UGP2: variants seen among roughly 807,000 people sequenced by gnomAD.
The protein encoded by UGP2 is UDP-glucose pyrophosphorylase 2.
UGP2 carries 40 observed loss-of-function variants against 49.0 expected under a neutral mutation model. The observed-to-expected ratio is 0.82, with a 90% confidence interval of 0.63 to 1.06. The LOEUF is 1.06. Ranked by LOEUF, UGP2 falls within the 50% of genes least tolerant of loss-of-function variation. The probability of loss-of-function intolerance (pLI) is 0.00; values close to 1 mark genes in which losing one functional copy is unlikely to be tolerated. For missense variants in UGP2, 460 were observed against 603.5 expected (o/e 0.76, Z 2.49); for synonymous variants, 225 against 213.0 (o/e 1.06, Z -0.49).
chr2:63,885,076 G>C (rs917130504), intron 5 of UGP2, among the ~76,000 whole-genome samples: 2 of 128,848 alleles, frequency 1.6e-5, no homozygotes, highest in African/African-American at 5.9e-5. Context: ...TGCGGTGCTA[G>C]CTCCCGTTTT....
intron 3 of UGP2, among the ~76,000 whole-genome samples, chr2:63,866,136 G>T (rs1670172598): frequency 6.6e-6 from 1 of 152,152 alleles, no homozygotes; most frequent in Admixed American, 6.5e-5. Context: ...TCTGCATGCA[G>T]ATTGTTTCAC....
At chr2:63,883,825 T>G in intron 4 of UGP2, 135 bp from the exon 5 acceptor site, 1 of 1,119,818 alleles carries the variant, frequency 8.9e-7, no homozygotes, top group Non-Finnish European at 1.2e-6. Flanking sequence ...AGCAGTTTTT[T>G]GTCAAATCTG....
chr2:63,875,830 C>T (rs1420617661), intron 3 of UGP2, among the ~76,000 whole-genome samples: 2 of 152,188 alleles, frequency 1.3e-5, no homozygotes, highest in Non-Finnish European at 2.9e-5. Flanking sequence ...GGTCTTAGAA[C>T]ACTGAATTTT....
chr2:63,855,512 C>CTT, intron 1 of UGP2: 2 of 234,928 alleles, frequency 8.5e-6, no homozygotes, highest in Admixed American at 6.5e-5. Flanking sequence ...TGGGGTGTTT[C>CTT]TTTTTCTGTT....
intron 8 of UGP2, chr2:63,888,145 C>G (rs1383002925): frequency 6.5e-6 from 1 of 154,804 alleles, no homozygotes; most frequent in Non-Finnish European, 1.4e-5. Flanking sequence ...TAGGGAATGC[C>G]TGGGGAGGTG....
chr2:63,880,896 C>T (rs960599541), intron 3 of UGP2, among the ~76,000 whole-genome samples: 2 of 152,156 alleles, frequency 1.3e-5, no homozygotes, highest in African/African-American at 4.8e-5. Context: ...TGCCCACAGG[C>T]CTGTCCCCTC....
At chr2:63,877,285 G>C (rs1472174647) in intron 3 of UGP2, among the ~76,000 whole-genome samples, 1 of 152,238 alleles carries the variant, frequency 6.6e-6, no homozygotes, top group Non-Finnish European at 1.5e-5. Flanking sequence ...TGCTGATTAT[G>C]ATGTAGCTGC....
Position 63,841,899 on chromosome 2 carries a change from A to G in UGP2, c.-287A>G. 1 of 377,960 alleles carries G rather than the reference A, an allele frequency of 2.6e-6. No individual in the cohort carries two copies. The highest frequency in any genetic ancestry group is 4.8e-6 in the Non-Finnish European group (1 of 210,272). The allele number at this position is 377,960 out of a possible 1,614,324, so 23.4% of individuals were successfully genotyped here. On this transcript the variant is annotated 5_prime_UTR_variant, in exon 1 of 10. Transcript: ENST00000337130. ...TTCGTGTGGTTTTACCTTTTCCGGG[A>G]GTCTCCAGCTGGCCCTCATTTGTGT... is the stretch of plus-strand genomic sequence containing the variant.
At chr2:63,883,770 G>T (rs190758698) in intron 4 of UGP2, among the ~76,000 whole-genome samples, 190 bp from the exon 5 acceptor site, 58 of 152,330 alleles carry the variant, frequency 3.8e-4, no homozygotes, top group African/African-American at 1.3e-3. Context: ...GATTTAATGA[G>T]CAAGTGCATG....
intron 3 of UGP2, among the ~76,000 whole-genome samples, chr2:63,871,110 G>C (rs1162875846): frequency 6.6e-6 from 1 of 152,112 alleles, no homozygotes; most frequent in East Asian, 1.9e-4. Context: ...GTGTTGTTAA[G>C]TATATTTTTA....
At chr2:63,841,258 G>A (rs1671513794), upstream of UGP2, 1 of 152,174 alleles carries the variant, frequency 6.6e-6, no homozygotes, top group Admixed American at 6.5e-5. Flanking sequence ...GGCTTGAGGA[G>A]GGGCGGGGTT....
chr2:63,876,245 AT>A (rs778485254), intron 3 of UGP2, among the ~76,000 whole-genome samples: 1 of 152,076 alleles, frequency 6.6e-6, no homozygotes, highest in Non-Finnish European at 1.5e-5. Flanking sequence ...TAATAGGGTG[AT>A]TTATGTGATG....
Position 63,891,108 on chromosome 2 carries a change from CCT to C in UGP2, c.1420-11_1420-10del. ...GTTGCAAGTACACTCTTTTGTTTTC[CCT>C]GTCACTTAGGGAACGGTTATCATCA... On this transcript the variant is annotated splice_polypyrimidine_tract_variant and intron_variant, in intron 9 of 9. Coordinates refer to ENST00000337130, the MANE Select transcript of UGP2 (RefSeq NM_006759.4). The C allele has an allele frequency of 6.2e-7, 1 of 1,605,964 alleles. No homozygotes were observed. Among genetic ancestry groups the C allele is most frequent in the Non-Finnish European group, 8.5e-7 (1 of 1,174,906 alleles).
chr2:63,870,718 C>T (rs1338474222), intron 3 of UGP2, among the ~76,000 whole-genome samples: 1 of 152,162 alleles, frequency 6.6e-6, no homozygotes, highest in Non-Finnish European at 1.5e-5. Flanking sequence ...GTGCTGCCAA[C>T]GCTGGGGAGC....
At position 63,857,911 on chromosome 2, in the gene UGP2, A is replaced by G. The variant is rs1261179432; in HGVS notation, c.230A>G (p.Lys77Arg). 1 of 1,614,010 alleles carries G rather than the reference A, an allele frequency of 6.2e-7. No individual in the cohort carries two copies. The highest frequency in any genetic ancestry group is 8.5e-7 in the Non-Finnish European group (1 of 1,179,940). The change falls in exon 3 of 10, where the codon AAA becomes AGA. Residue 77 changes from lysine (K) to arginine (R), a missense_variant. Coordinates refer to ENST00000337130, the MANE Select transcript of UGP2 (RefSeq NM_006759.4). ...QEKGPSVDWG[K>R]IQRPPEDSIQ... is the part of the protein sequence containing the mutation. ...AAGGGGCCTTCTGTGGATTGGGGAAAAATCCAGAGACCCCCTGAAGATTCG... is the reference window on the plus strand; with the variant it reads ...AAGGGGCCTTCTGTGGATTGGGGAAGAATCCAGAGACCCCCTGAAGATTCG...
intron 8 of UGP2, chr2:63,889,600 A>T (rs1671937911): frequency 6.5e-6 from 1 of 153,022 alleles, no homozygotes; most frequent in East Asian, 1.9e-4. Flanking sequence ...GACAATCTCT[A>T]GTGCTTGTAA....
chr2:63,848,604 C>T (rs574753423), intron 1 of UGP2, among the ~76,000 whole-genome samples: 24 of 152,264 alleles, frequency 1.6e-4, no homozygotes, highest in Admixed American at 1.0e-3. Flanking sequence ...CCATGTGATC[C>T]GCCTGTCTTG....
chr2:63,871,698 A>G (rs1441745357), intron 3 of UGP2, among the ~76,000 whole-genome samples: 1 of 152,254 alleles, frequency 6.6e-6, no homozygotes, highest in East Asian at 1.9e-4. Context: ...TTGAGAACAT[A>G]CAAAAGCCTA....
chr2:63,863,532 GA>G (rs1364241008), intron 3 of UGP2, among the ~76,000 whole-genome samples: 84 of 152,238 alleles, frequency 5.5e-4, no homozygotes, highest in African/African-American at 2.0e-3. Flanking sequence ...TCAAGAGGAA[GA>G]AATAAAATGC....
Sources: allele counts gnomAD v4.1 joint callset (sites outside exome capture counted in the v4.1 genomes callset), GRCh38; gene constraint gnomAD v4.1.1; transcripts MANE v1.5; gene names NCBI Gene and HGNC (gene_info 2026-07-23, HGNC 2026-07-21).